Variants in ROR1 observed in about 807,000 individuals in gnomAD.
The protein encoded by ROR1 is ROR family WNT receptor 1, also known as inactive tyrosine-protein kinase transmembrane receptor ROR1.
In ROR1, 19 loss-of-function variants were observed where a neutral mutation model predicts 78.8. The ratio of observed to expected loss-of-function variants is 0.24; its 90% confidence interval spans 0.17 to 0.35. The LOEUF is 0.35. Among genes scored for constraint, ROR1 ranks in the 10% least tolerant of loss-of-function variants. ROR1 has a pLI of 1.00. For missense variants in ROR1, 917 were observed against 1,177.8 expected, an observed-to-expected ratio of 0.78 and a Z score of 3.24; for synonymous variants, 386 against 433.6, an observed-to-expected ratio of 0.89 and a Z score of 1.36.
At chr1:63,822,706 A>G (rs1266222953) in intron 1 of ROR1, among the ~76,000 whole-genome samples, 1 of 152,236 alleles carries the variant, frequency 6.6e-6, no homozygotes, top group Non-Finnish European at 1.5e-5. Context: ...ATCAATTTTT[A>G]ATCACACAAT....
intron 7 of ROR1, among the ~76,000 whole-genome samples, chr1:64,151,014 C>T (rs1483506264): frequency 6.6e-6 from 1 of 152,170 alleles, no homozygotes; most frequent in Non-Finnish European, 1.5e-5. Context: ...TATAATACCA[C>T]AATGATTGTT....
intron 1 of ROR1, among the ~76,000 whole-genome samples, chr1:63,922,241 C>G (rs1645661089): frequency 6.6e-6 from 1 of 152,206 alleles, no homozygotes; most frequent in South Asian, 2.1e-4. Context: ...TTAATCTTCA[C>G]AACACTCCTA....
chr1:63,887,235 T>G (rs1169292972), intron 1 of ROR1, among the ~76,000 whole-genome samples: 1 of 151,996 alleles, frequency 6.6e-6, no homozygotes, highest in Non-Finnish European at 1.5e-5. Context: ...TGGGGGGGTT[T>G]GGGGATGTAT....
chr1:63,914,717 T>C (rs1046157601), intron 1 of ROR1, among the ~76,000 whole-genome samples: 2 of 152,116 alleles, frequency 1.3e-5, no homozygotes, highest in Admixed American at 6.5e-5. Flanking sequence ...CTCTAAACCC[T>C]CCTTCAAGAA....
intron 1 of ROR1, among the ~76,000 whole-genome samples, chr1:63,957,868 G>A (rs960663181): frequency 3.3e-5 from 5 of 151,412 alleles, no homozygotes; most frequent in Non-Finnish European, 5.9e-5. Flanking sequence ...TCAGCCTCCC[G>A]AGTAGCTGGG....
chr1:64,111,690 C>T (rs1017698068), intron 4 of ROR1, among the ~76,000 whole-genome samples: 2 of 152,126 alleles, frequency 1.3e-5, no homozygotes, highest in African/African-American at 2.4e-5. Context: ...TCTGTGTCTC[C>T]GTCTGTAAAA....
At chr1:64,160,628 C>T (rs1040874185) in intron 8 of ROR1, among the ~76,000 whole-genome samples, 7 of 152,120 alleles carry the variant, frequency 4.6e-5, no homozygotes, top group Non-Finnish European at 1.0e-4. Flanking sequence ...CACATTTAAT[C>T]CTTACTACTT....
chr1:63,860,500 C>A (rs1645172899), intron 1 of ROR1, among the ~76,000 whole-genome samples: 1 of 151,142 alleles, frequency 6.6e-6, no homozygotes. Context: ...GTGGGCAGAT[C>A]ACGAGGTCAA....
Position 64,177,985 on chromosome 1 carries a change from C to T in ROR1, c.1944C>T (p.Val648=), listed in dbSNP as rs747850753. ...REIYSADYYR[V]QSKSLLPIRW... is the part of the protein sequence containing the mutation. The stretch of plus-strand genomic sequence containing the variant: ...TTTACTCCGCTGATTACTACAGGGT[C>T]CAGAGTAAGTCCTTGCTGCCCATTC... The change falls in exon 9 of 9, where the codon GTC becomes GTT. Residue 648 remains valine, a synonymous_variant. Transcript: ENST00000371079. 6 of 1,614,200 alleles carry T rather than the reference C, an allele frequency of 3.7e-6. No individual in the cohort carries two copies. The Admixed American group carries it at 6.7e-5, about 18-fold the overall frequency.
intron 1 of ROR1, among the ~76,000 whole-genome samples, chr1:63,998,178 G>A (rs1646353989): frequency 6.6e-6 from 1 of 151,954 alleles, no homozygotes; most frequent in African/African-American, 2.4e-5. Flanking sequence ...TCCCTCTCAA[G>A]AAGTTTACTG....
chr1:63,902,826 A>G (rs538343453), intron 1 of ROR1, among the ~76,000 whole-genome samples: 3 of 152,286 alleles, frequency 2.0e-5, no homozygotes, highest in East Asian at 3.9e-4. Flanking sequence ...TTTCCATCCC[A>G]TAATGTCTTC....
chr1:64,042,473 T>C (rs375078823), intron 2 of ROR1, among the ~76,000 whole-genome samples: 8 of 152,294 alleles, frequency 5.3e-5, no homozygotes, highest in East Asian at 1.9e-4. Flanking sequence ...GCCCATGCTC[T>C]TGGTTGGTGT....
Position 64,069,683 on chromosome 1 carries a change from G to A in ROR1, c.482+18967G>A, listed in dbSNP as rs577394893. 9.8e-5 allele frequency among the ~76,000 whole-genome samples: 15 copies of A among 152,288 alleles called. No homozygotes were observed. In the South Asian group the frequency reaches 2.1e-3, roughly 21 times the overall value. Reference sequence around the variant, plus strand: ...TTGAAACAGCCCACCACTCTAGCAGGCAGATCCCTGCAGAGGTTCATGACA... The same window carrying A: ...TTGAAACAGCCCACCACTCTAGCAGACAGATCCCTGCAGAGGTTCATGACA... On this transcript the variant is annotated intron_variant, in intron 4 of 8. Coordinates refer to ENST00000371079, the MANE Select transcript of ROR1 (RefSeq NM_005012.4).
intron 2 of ROR1, among the ~76,000 whole-genome samples, chr1:64,026,751 T>C (rs1646614313): frequency 6.6e-6 from 1 of 151,992 alleles, no homozygotes; most frequent in South Asian, 2.1e-4. Flanking sequence ...CAAACACTTA[T>C]AAAACCATCA....
At chr1:64,038,158 A>G (rs1400731502) in intron 2 of ROR1, among the ~76,000 whole-genome samples, 1 of 152,058 alleles carries the variant, frequency 6.6e-6, no homozygotes, top group Non-Finnish European at 1.5e-5. Context: ...TTGCTTATTT[A>G]TCTTCTGTTT....
intron 1 of ROR1, among the ~76,000 whole-genome samples, chr1:63,827,054 CT>C (rs923733453): frequency 6.8e-6 from 1 of 146,508 alleles, no homozygotes; most frequent in Admixed American, 6.7e-5. Flanking sequence ...AGCCGTTATC[CT>C]TTTTTTCATA....
At chr1:63,981,826 T>C (rs1403734839) in intron 1 of ROR1, among the ~76,000 whole-genome samples, 2 of 152,094 alleles carry the variant, frequency 1.3e-5, no homozygotes, top group Non-Finnish European at 2.9e-5. Flanking sequence ...CTTACTCTGA[T>C]ACTCTTCAAA....
chr1:64,153,741 T>TG (rs1471894512), intron 7 of ROR1, among the ~76,000 whole-genome samples: 1 of 151,912 alleles, frequency 6.6e-6, no homozygotes, highest in African/African-American at 2.4e-5. Flanking sequence ...TTGTCAGGGC[T>TG]GGGGGAAGGG....
Position 63,982,629 on chromosome 1 carries a change from C to T in ROR1, c.92-26676C>T, listed in dbSNP as rs370594971. Among the ~76,000 whole-genome samples the T allele has an allele frequency of 1.4e-4, 22 of 152,126 alleles. No individual in the cohort carries two copies. The South Asian group carries it at 4.4e-3, about 30-fold the overall frequency. ...AATAGTCAAGTTAAATTGAAGAGAC[C>T]GCATTAAGTGTCAAATAATTAAATG... is the stretch of plus-strand genomic sequence containing the variant. On this transcript the variant is annotated intron_variant, in intron 1 of 8. Coordinates refer to ENST00000371079, the MANE Select transcript of ROR1 (RefSeq NM_005012.4).
Sources: gnomAD v4.1 joint callset for allele counts (sites outside exome capture counted in the v4.1 genomes callset) on GRCh38, gnomAD v4.1.1 for gene constraint, MANE v1.5 for transcripts, NCBI Gene and HGNC (gene_info 2026-07-23, HGNC 2026-07-21) for gene names.